The following ZMYM4 variants were observed in gnomAD, a reference collection of about 807,000 sequenced individuals.
ZMYM4 encodes zinc finger MYM-type containing 4.
Under a neutral mutation model 183.2 loss-of-function variants are expected in ZMYM4, and 31 were observed. The ratio of observed to expected loss-of-function variants is 0.17; its 90% CI spans 0.13 to 0.23. The LOEUF (loss-of-function observed/expected upper bound fraction) is 0.23. ZMYM4 is among the 10% of genes least tolerant of loss of function. The pLI, the probability that ZMYM4 is intolerant of heterozygous loss-of-function variation, is 1.00. For missense variants in ZMYM4, 1,273 were observed against 1,840.3 expected (o/e 0.69, Z 5.64); for synonymous variants, 592 against 631.2 (o/e 0.94, Z 0.93).
rs1324198874 is a variant in ZMYM4, at chr1:35,415,527, C to T, written c.4122C>T (p.Tyr1374=). Reference sequence around the variant, plus strand: ...GGGAGTGCAAACAGCTGGGCGCTTACTCACCAATCGTCCTTTTAAACACCC... The same window carrying T: ...GGGAGTGCAAACAGCTGGGCGCTTATTCACCAATCGTCCTTTTAAACACCC... ...HLWECKQLGA[Y]SPIVLLNTLL... is the part of the protein sequence containing the mutation. The change falls in exon 28 of 30, where the codon TAC becomes TAT. Residue 1374 remains tyrosine, a synonymous_variant. Coordinates refer to ENST00000314607, the MANE Select transcript of ZMYM4 (RefSeq NM_005095.3). The T allele has an allele frequency of 1.2e-6, 2 of 1,614,248 alleles. No individual in the cohort carries two copies. The highest frequency in any genetic ancestry group is 2.2e-5 in the East Asian group (1 of 44,890).
At chr1:35,417,215 C>T (rs1010137417) in intron 28 of ZMYM4, among the ~76,000 whole-genome samples, 3 of 141,254 alleles carry the variant, frequency 2.1e-5, no homozygotes, top group Non-Finnish European at 4.6e-5. Context: ...CTAGCCTGGG[C>T]AACAGAGTGA....
At chr1:35,282,980 GTTTTTTTTTTTTTTTTTTTT>G (rs775211352) in intron 1 of ZMYM4, among the ~76,000 whole-genome samples, 25 of 26,224 alleles carry the variant, frequency 9.5e-4, no homozygotes, top group African/African-American at 1.8e-3. Context: ...TGTGTGTGTG[GTTTTTTTTTTTTTTTTTTTT>G]TTTTTTTTTT....
chr1:35,393,827 G>A (rs1215951843), intron 18 of ZMYM4, 88 bp downstream of exon 18: 3 of 1,406,940 alleles, frequency 2.1e-6, no homozygotes, highest in South Asian at 3.4e-5. Flanking sequence ...CTATTTCCTA[G>A]GTGATGTGTT....
At chr1:35,287,169 C>G (rs1263450355) in intron 1 of ZMYM4, among the ~76,000 whole-genome samples, 1 of 151,354 alleles carries the variant, frequency 6.6e-6, no homozygotes, top group Non-Finnish European at 1.5e-5. Context: ...GTTATTCCCT[C>G]AGCTTGTATT....
Position 35,359,116 on chromosome 1 carries a change from C to G in ZMYM4, c.277C>G (p.Gln93Glu). The G allele has an allele frequency of 6.2e-7, 1 of 1,613,730 alleles. No homozygotes were observed. Among genetic ancestry groups the G allele is most frequent in the Non-Finnish European group, 8.5e-7 (1 of 1,179,760 alleles). The change falls in exon 3 of 30, where the codon CAG becomes GAG. Residue 93 changes from glutamine (Q) to glutamate (E), a missense_variant. Physicochemically the swap from Gln to Glu is conservative, Grantham distance 29. This residue lies in a region of ZMYM4 where 384 missense variants were observed against 465.6 expected (regional missense o/e 0.82). Coordinates refer to ENST00000314607, the MANE Select transcript of ZMYM4 (RefSeq NM_005095.3). ...PVVGSDNEDE[Q>E]DFSSKDNLVS... ...CGTTGGTAGTGACAATGAGGATGAA[C>G]AGGATTTTAGTTCAAAGGACAATCT...
At chr1:35,283,326 C>CT (rs201360397) in intron 1 of ZMYM4, among the ~76,000 whole-genome samples, 1,722 of 56,720 alleles carry the variant, frequency 0.03, 561 homozygotes, top group African/African-American at 0.075. Context: ...GAAGTGGTAT[C>CT]TTTTTTTTTT....
At chr1:35,310,590 T>C (rs1477958581) in intron 1 of ZMYM4, among the ~76,000 whole-genome samples, 1 of 152,150 alleles carries the variant, frequency 6.6e-6, no homozygotes, top group Non-Finnish European at 1.5e-5. Flanking sequence ...TTCTTTTCTT[T>C]TTTTTGAGAT....
intron 1 of ZMYM4, among the ~76,000 whole-genome samples, chr1:35,309,572 C>T (rs923020154): frequency 1.2e-4 from 19 of 152,192 alleles, no homozygotes; most frequent in African/African-American, 4.6e-4. Flanking sequence ...TATCCTGTCT[C>T]ATCTATCTCT....
At chr1:35,285,440 C>T (rs1425776240) in intron 1 of ZMYM4, among the ~76,000 whole-genome samples, 1 of 151,720 alleles carries the variant, frequency 6.6e-6, no homozygotes, top group Admixed American at 6.6e-5. Context: ...TAATCTACCA[C>T]ATTAGTAGAA....
At chr1:35,360,160 T>C (rs1487979448) in intron 3 of ZMYM4, among the ~76,000 whole-genome samples, 1 of 152,076 alleles carries the variant, frequency 6.6e-6, no homozygotes, top group Admixed American at 6.6e-5. Context: ...CTGTCATCAT[T>C]CTAACTGCTC....
At chr1:35,313,845 A>G (rs189570847) in intron 1 of ZMYM4, among the ~76,000 whole-genome samples, 7 of 152,310 alleles carry the variant, frequency 4.6e-5, no homozygotes, top group Admixed American at 3.9e-4. Flanking sequence ...AATATGATCT[A>G]TGTGAAAAAA....
chr1:35,325,313 T>G, intron 1 of ZMYM4, 47 bp from the exon 2 acceptor site: 4 of 1,554,414 alleles, frequency 2.6e-6, no homozygotes, highest in South Asian at 1.2e-5. Context: ...GAATGTATGA[T>G]AGAAGATATG....
chr1:35,351,835 A>G (rs1643617757), intron 2 of ZMYM4, among the ~76,000 whole-genome samples: 1 of 152,268 alleles, frequency 6.6e-6, no homozygotes, highest in Admixed American at 6.5e-5. Context: ...ATACTGCTAA[A>G]GCAATGACTA....
rs1034829626 is a variant in ZMYM4 at position 35,389,699 on chromosome 1, G to A, written c.2437-249G>A. On this transcript the variant is annotated intron_variant, in intron 14 of 29. Transcript: ENST00000314607. The surrounding 1 kb of genome is among the most constrained non-coding windows in gnomAD (Gnocchi z 4.0). ...GAACCCAGGAGGTGGAGCTTGCAGT[G>A]AGCTGAGATCACGCCACTGCACTCC... Among the ~76,000 whole-genome samples, 5 of 151,142 alleles carry A rather than the reference G, an allele frequency of 3.3e-5. No homozygotes were observed. Among genetic ancestry groups the A allele is most frequent in the Admixed American group, 2.0e-4 (3 of 15,218 alleles).
At chr1:35,325,326 G>T (rs780633400) in intron 1 of ZMYM4, 34 bp from the exon 2 acceptor site, 2 of 1,581,164 alleles carry the variant, frequency 1.3e-6, no homozygotes, top group Admixed American at 1.7e-5. Flanking sequence ...AAGATATGAT[G>T]GTAATGTTAC....
intron 18 of ZMYM4, among the ~76,000 whole-genome samples, chr1:35,396,285 A>T (rs909914446): frequency 6.6e-6 from 1 of 152,078 alleles, no homozygotes; most frequent in Non-Finnish European, 1.5e-5. Flanking sequence ...CCCTGTTTCA[A>T]TCCTTTCAAT....
chr1:35,367,775 A>G (rs1644121998), intron 5 of ZMYM4, among the ~76,000 whole-genome samples: 1 of 152,008 alleles, frequency 6.6e-6, no homozygotes, highest in African/African-American at 2.4e-5. Flanking sequence ...CAGGAGTTCA[A>G]GACCAGCCTG....
chr1:35,381,157 C>A, intron 7 of ZMYM4, 102 bp from the exon 8 acceptor site: 1 of 953,428 alleles, frequency 1.0e-6, no homozygotes, highest in South Asian at 2.3e-5. Flanking sequence ...TGTTATTTCC[C>A]TACAGTATAA....
At chr1:35,368,061 G>GCCA (rs1644130329) in intron 5 of ZMYM4, among the ~76,000 whole-genome samples, 1 of 98,284 alleles carries the variant, frequency 1.0e-5, no homozygotes, top group Non-Finnish European at 2.0e-5. Context: ...CAAATCCAGC[G>GCCA]CCCCCCCCCC....
Sources: gnomAD v4.1 joint callset for allele counts (sites outside exome capture counted in the v4.1 genomes callset) on GRCh38, gnomAD v4.1.1 for gene constraint, gnomAD v4.1.1 regional missense constraint, Gnocchi (gnomAD v3.1) non-coding constraint, MANE v1.5 for transcripts, NCBI Gene and HGNC (gene_info 2026-07-23, HGNC 2026-07-21) for gene names.